Variants in ZNF844 observed in about 807,000 individuals in gnomAD.
The protein encoded by ZNF844 is zinc finger protein 844.
Under a neutral mutation model 11.4 loss-of-function variants are expected in ZNF844, and 11 were observed. The ratio of observed to expected loss-of-function variants is 0.97; its 90% CI spans 0.61 to 1.60. ZNF844 has a LOEUF of 1.60. Ranked by LOEUF, ZNF844 falls within the 40% of genes most tolerant of loss-of-function variation. The pLI, the probability that ZNF844 is intolerant of heterozygous loss-of-function variation, is 0.00. For missense variants in ZNF844, 790 were observed against 796.8 expected (o/e 0.99, Z 0.10); for synonymous variants, 248 against 260.3 (o/e 0.95, Z 0.46).
intron 1 of ZNF844, among the ~76,000 whole-genome samples, chr19:12,068,535 G>A (rs1395763089): frequency 6.6e-6 from 1 of 152,064 alleles, no homozygotes; most frequent in African/African-American, 2.4e-5. Flanking sequence ...AGGAGGCTGA[G>A]GCAGGAGAAT....
At chr19:12,073,016 G>A (rs1975767955) in intron 1 of ZNF844, among the ~76,000 whole-genome samples, 1 of 152,114 alleles carries the variant, frequency 6.6e-6, no homozygotes, top group Admixed American at 6.5e-5. Context: ...TGTTTATGGT[G>A]TCCCCTCATA....
Position 12,077,035 on chromosome 19 carries a change from A to T in ZNF844, c.1915A>T (p.Arg639Ter). The T allele has an allele frequency of 6.3e-7, 1 of 1,597,420 alleles. No homozygotes were observed. Among genetic ancestry groups the T allele is most frequent in the Non-Finnish European group, 8.5e-7 (1 of 1,171,200 alleles). ...CVYTKGCTLE[R>*]NHINVRIVGK... The stretch of plus-strand genomic sequence containing the variant: ...ATACACAAAAGGATGCACACTGGAG[A>T]GAAACCATATTAATGTAAGGATTGT... Residue 639 changes from arginine (R) to a stop codon, truncating the protein, a stop_gained, in exon 4 of 4, where the codon AGA becomes TGA. Transcript: ENST00000439326. LOFTEE classifies it low-confidence loss of function (END_TRUNC).
At chr19:12,067,004 A>G (rs1975696470) in intron 1 of ZNF844, among the ~76,000 whole-genome samples, 2 of 152,130 alleles carry the variant, frequency 1.3e-5, no homozygotes, top group Admixed American at 1.3e-4. Context: ...GGAAATAGTA[A>G]TAAAATAATA....
At chr19:12,074,913 C>T (rs533898244) in intron 3 of ZNF844, among the ~76,000 whole-genome samples, 2 of 152,218 alleles carry the variant, frequency 1.3e-5, no homozygotes, top group East Asian at 3.9e-4. Context: ...ATGAAGAATT[C>T]TCATATGGTG....
chr19:12,067,743 C>T (rs113329877), intron 1 of ZNF844, among the ~76,000 whole-genome samples: 18,185 of 150,458 alleles, frequency 0.12, 1,581 homozygotes, highest in African/African-American at 0.25. Context: ...AGTGGAACTC[C>T]GTCTCTACTA....
rs113171437 is a variant in ZNF844, at chr19:12,080,246, A to G, written c.*3125A>G. The stretch of plus-strand genomic sequence containing the variant: ...GCGCCTGTAGTCCCAGCTACTCGGG[A>G]GGCTGAAGCAGGAGAATGGCGTGAA... On this transcript the variant is annotated 3_prime_UTR_variant, in exon 4 of 4. Coordinates refer to ENST00000439326, the MANE Select transcript of ZNF844 (RefSeq NM_001136501.3). 0.11 allele frequency: 22,119 copies of G among 209,674 alleles called. 1,738 individuals carry two copies. The highest frequency in any genetic ancestry group is 0.25 in the African/African-American group (10,406 of 41,450). 13.0% of individuals were successfully genotyped at this position (209,674 alleles called of 1,614,324 possible).
In ZNF844 at chr19:12,072,291, T is replaced by G. The variant is rs557664670; in HGVS notation, c.4-1740T>G. ...ATGCATACCACGTTTTCTTTATCCA[T>G]TTAGCCATCAGTGGACATTTGGATT... On this transcript the variant is annotated intron_variant, in intron 1 of 3. Transcript: ENST00000439326. Among the ~76,000 whole-genome samples the G allele has an allele frequency of 7.9e-5, 12 of 152,262 alleles. No homozygotes were observed. The South Asian group carries it at 2.1e-3, about 26-fold the overall frequency.
rs998216093 is a variant in ZNF844, at chr19:12,077,554, G to T, written c.*433G>T. ...CACACTGGAGAGAAACCCTATGAAT[G>T]TAAGCAGTGTGGTAAAGCCTTCAGA... is the stretch of plus-strand genomic sequence containing the variant. On this transcript the variant is annotated 3_prime_UTR_variant, in exon 4 of 4. Transcript: ENST00000439326. 5 of 604,728 alleles carry T rather than the reference G, an allele frequency of 8.3e-6. No homozygotes were observed. The highest frequency in any genetic ancestry group is 3.1e-6 in the Non-Finnish European group (1 of 319,694). 37.5% of individuals were successfully genotyped at this position (604,728 alleles called of 1,614,324 possible).
At chr19:12,068,898 C>T (rs1019552879) in intron 1 of ZNF844, among the ~76,000 whole-genome samples, 19 of 152,042 alleles carry the variant, frequency 1.2e-4, no homozygotes, top group Non-Finnish European at 2.8e-4. Flanking sequence ...CAATCAGAAG[C>T]CTGCAAAGAG....
chr19:12,065,240 G>C (rs1975675041), intron 1 of ZNF844, among the ~76,000 whole-genome samples: 1 of 152,126 alleles, frequency 6.6e-6, no homozygotes, highest in Non-Finnish European at 1.5e-5. Context: ...GGGAGGAGCT[G>C]CGCTGTGAGG....
rs1247406089 is a variant in ZNF844, at chr19:12,079,422, C to T, written c.*2301C>T. On this transcript the variant is annotated 3_prime_UTR_variant, in exon 4 of 4. Coordinates refer to ENST00000439326, the MANE Select transcript of ZNF844 (RefSeq NM_001136501.3). The stretch of plus-strand genomic sequence containing the variant: ...CCTGTAATTCCAGCACTTCCAGAGG[C>T]TAAGGCAGGTGGATCACTTGAGGTC... The T allele has an allele frequency of 1.3e-5, 2 of 152,118 alleles. No homozygotes were observed. Among genetic ancestry groups the T allele is most frequent in the Admixed American group, 6.6e-5 (1 of 15,266 alleles). 9.4% of individuals were successfully genotyped at this position (152,118 alleles called of 1,614,324 possible). A position where few individuals can be genotyped will look rare whatever the true frequency, so the allele number is the denominator to read the frequency against.
rs772282496 is a variant in ZNF844 at position 12,067,607 on chromosome 19, C to CAAA, written c.3+2756_3+2758dup. 2.7e-3 allele frequency among the ~76,000 whole-genome samples: 100 copies of CAAA among 37,426 alleles called. 6 individuals carry two copies. Among genetic ancestry groups the CAAA allele is most frequent in the African/African-American group, 3.9e-3 (60 of 15,542 alleles). The allele number at this position is 37,426 out of a possible 152,430, so 24.6% of individuals were successfully genotyped here. A position where few individuals can be genotyped will look rare whatever the true frequency, so the allele number is the denominator to read the frequency against. On this transcript the variant is annotated intron_variant, in intron 1 of 3. Transcript: ENST00000439326. ...GGGCAACAAGAGTGAAACTCTGTCT[C>CAAA]AAAAAAAAAAAAAAAAAAAAAAAAA... is the stretch of plus-strand genomic sequence containing the variant.
At position 12,075,806 on chromosome 19, in the gene ZNF844, A is replaced by T. The variant is rs1975804510; in HGVS notation, c.686A>T (p.Gln229Leu). The T allele has an allele frequency of 6.2e-7, 1 of 1,611,844 alleles. No homozygotes were observed. The highest frequency in any genetic ancestry group is 1.3e-5 in the African/African-American group (1 of 74,984). Reference protein sequence around the residue: ...HTGEKPYKCKQCGKAFSYSTS... With the variant: ...HTGEKPYKCKLCGKAFSYSTS... ...GGAGAGAAACCATATAAATGTAAACAATGTGGTAAAGCCTTTAGTTATTCA... is the reference window on the plus strand; with the variant it reads ...GGAGAGAAACCATATAAATGTAAACTATGTGGTAAAGCCTTTAGTTATTCA... The change falls in exon 4 of 4, where the codon CAA becomes CTA. Residue 229 changes from glutamine to leucine, a missense_variant. Physicochemically the swap from Gln to Leu is moderately radical, Grantham distance 113 (BLOSUM62 -2). Transcript: ENST00000439326.
At chr19:12,070,777 A>G (rs1001915672) in intron 1 of ZNF844, among the ~76,000 whole-genome samples, 1 of 152,180 alleles carries the variant, frequency 6.6e-6, no homozygotes, top group Admixed American at 6.5e-5. Flanking sequence ...GTTATAGGAC[A>G]ATTTAATATG....
In ZNF844 at chr19:12,080,898, T is replaced by G. The variant is rs1975890383; in HGVS notation, c.*3777T>G. On this transcript the variant is annotated 3_prime_UTR_variant, in exon 4 of 4. Coordinates refer to ENST00000439326, the MANE Select transcript of ZNF844 (RefSeq NM_001136501.3). ...CCACCTGAGTAGTCAGGATTACAGGTGCACACCACCACGCATGGCTAAATT... is the reference window on the plus strand; with the variant it reads ...CCACCTGAGTAGTCAGGATTACAGGGGCACACCACCACGCATGGCTAAATT... 6.6e-6 allele frequency: 1 copy of G among 152,170 alleles called. No homozygotes were observed. Among genetic ancestry groups the G allele is most frequent in the Admixed American group, 6.6e-5 (1 of 15,250 alleles). 9.4% of individuals were successfully genotyped at this position (152,170 alleles called of 1,614,324 possible). A position where few individuals can be genotyped will look rare whatever the true frequency, so the allele number is the denominator to read the frequency against.
At chr19:12,069,047 G>T (rs1833445842) in intron 1 of ZNF844, among the ~76,000 whole-genome samples, 2 of 152,212 alleles carry the variant, frequency 1.3e-5, no homozygotes, top group Non-Finnish European at 2.9e-5. Context: ...GAAAACTGAG[G>T]ATCCACAGGC....
Position 12,075,418 on chromosome 19 carries a change from G to A in ZNF844, c.298G>A (p.Val100Ile), listed in dbSNP as rs772250848. 3.1e-6 allele frequency: 5 copies of A among 1,607,922 alleles called. No homozygotes were observed. The East Asian group carries it at 1.1e-4, about 36-fold the overall frequency. ...ACTGAACAAAAAAACTTCTCCTGGA[G>A]TAAAATCATGTGAAAGCAGTGTGTG... Reference protein sequence around the residue: ...DTLNKKTSPGVKSCESSVCGE... With the variant: ...DTLNKKTSPGIKSCESSVCGE... The change falls in exon 4 of 4, where the codon GTA becomes ATA. Residue 100 changes from valine (V) to isoleucine (I), a missense_variant. Val to Ile is a conservative substitution (Grantham distance 29, BLOSUM62 3). This residue lies in a region of ZNF844 where 129 missense variants were observed against 144.0 expected (regional missense o/e 0.90). Transcript: ENST00000439326.
rs1975859005 is a variant in ZNF844 at position 12,078,630 on chromosome 19, T to A, written c.*1509T>A. ...TAGAACATTTATCTTGGTCCTAATTTTTTGTTCATTCATAATACCAAAAGT... is the reference window on the plus strand; with the variant it reads ...TAGAACATTTATCTTGGTCCTAATTATTTGTTCATTCATAATACCAAAAGT... On this transcript the variant is annotated 3_prime_UTR_variant, in exon 4 of 4. Coordinates refer to ENST00000439326, the MANE Select transcript of ZNF844 (RefSeq NM_001136501.3). 2 of 152,234 alleles carry A rather than the reference T, an allele frequency of 1.3e-5. No homozygotes were observed. Among genetic ancestry groups the A allele is most frequent in the Non-Finnish European group, 2.9e-5 (2 of 68,038 alleles). The allele number at this position is 152,234 out of a possible 1,614,324, so 9.4% of individuals were successfully genotyped here.
chr19:12,069,820 T>C (rs1032678267), intron 1 of ZNF844, among the ~76,000 whole-genome samples: 5 of 151,580 alleles, frequency 3.3e-5, no homozygotes, highest in Admixed American at 2.0e-4. Flanking sequence ...CCAGGCGTGG[T>C]GGCACGTGCC....
Sources: gnomAD v4.1 joint callset for allele counts (sites outside exome capture counted in the v4.1 genomes callset) on GRCh38, gnomAD v4.1.1 for gene constraint, gnomAD v4.1.1 regional missense constraint, MANE v1.5 for transcripts, NCBI Gene and HGNC (gene_info 2026-07-23, HGNC 2026-07-21) for gene names.